Variants in NLGN1 observed in about 807,000 individuals in gnomAD.
The protein encoded by NLGN1 is neuroligin 1.
NLGN1 carries 12 observed loss-of-function variants against 65.5 expected under a neutral mutation model. The ratio of observed to expected loss-of-function variants is 0.18; its 90% confidence interval spans 0.12 to 0.30. The LOEUF (loss-of-function observed/expected upper bound fraction) is 0.30, where lower values mean the gene tolerates loss of function less well. Among genes scored for constraint, NLGN1 ranks in the 10% least tolerant of loss-of-function variants. The pLI is 1.00. For missense variants in NLGN1, 750 were observed against 1,007.1 expected (o/e 0.74, Z 3.46); for synonymous variants, 350 against 359.5 (o/e 0.97, Z 0.30).
At chr3:173,597,422 C>A (rs959486607) in intron 2 of NLGN1, among the ~76,000 whole-genome samples, 1 of 152,166 alleles carries the variant, frequency 6.6e-6, no homozygotes, top group Non-Finnish European at 1.5e-5. Context: ...GGGTGACCTA[C>A]AATAGTAGCT....
chr3:173,880,700 C>G (rs1176300565), intron 4 of NLGN1, among the ~76,000 whole-genome samples: 2 of 152,144 alleles, frequency 1.3e-5, no homozygotes, highest in African/African-American at 4.8e-5. Flanking sequence ...GTGTTTATGG[C>G]TGCTGACTGA....
intron 4 of NLGN1, among the ~76,000 whole-genome samples, chr3:173,960,205 C>A (rs1713202071): frequency 1.3e-5 from 2 of 152,008 alleles, no homozygotes; most frequent in Admixed American, 1.3e-4. Context: ...TTACTTCCTA[C>A]AATACGGGCT....
At chr3:174,064,558 T>C (rs1010075895) in intron 4 of NLGN1, among the ~76,000 whole-genome samples, 41 of 150,490 alleles carry the variant, frequency 2.7e-4, no homozygotes, top group African/African-American at 1.0e-3. Context: ...GCTTATTAAT[T>C]ACATTAATAT....
rs929298267 is a variant in NLGN1, at chr3:173,659,790, G to A, written c.493+54699G>A. Among the ~76,000 whole-genome samples the A allele has an allele frequency of 2.0e-5, 3 of 151,656 alleles. No homozygotes were observed. In the East Asian group the frequency reaches 5.8e-4, roughly 29 times the overall value. On this transcript the variant is annotated intron_variant, in intron 3 of 6. Transcript: ENST00000457714. ...GTGTGTGTGTATGTGTGTTTAGAAGGGGGTGGTGGTTTCTTCACTGCTTTC... is the reference window on the plus strand; with the variant it reads ...GTGTGTGTGTATGTGTGTTTAGAAGAGGGTGGTGGTTTCTTCACTGCTTTC...
intron 4 of NLGN1, among the ~76,000 whole-genome samples, chr3:174,169,410 G>C (rs1007649267): frequency 2.6e-5 from 4 of 151,970 alleles, no homozygotes; most frequent in Non-Finnish European, 4.4e-5. Flanking sequence ...ATCTGCTTGG[G>C]CTTAGAACAG....
chr3:173,701,537 G>A (rs1767166326), intron 3 of NLGN1, among the ~76,000 whole-genome samples: 1 of 152,156 alleles, frequency 6.6e-6, no homozygotes, highest in African/African-American at 2.4e-5. Flanking sequence ...CAATGAAGCT[G>A]ATTTTGGACT....
chr3:174,105,211 G>C (rs1181365709), intron 4 of NLGN1, among the ~76,000 whole-genome samples: 1 of 152,032 alleles, frequency 6.6e-6, no homozygotes, highest in Non-Finnish European at 1.5e-5. Context: ...TTGCAAGAAG[G>C]GGAGGAATTG....
intron 4 of NLGN1, among the ~76,000 whole-genome samples, chr3:174,261,297 T>C (rs1345212128): frequency 6.7e-6 from 1 of 149,046 alleles, no homozygotes; most frequent in Admixed American, 6.7e-5. Context: ...TTTCACGATA[T>C]TGATTCTTCC....
intron 1 of NLGN1, among the ~76,000 whole-genome samples, chr3:173,420,346 C>A (rs575068445): frequency 6.6e-6 from 1 of 151,828 alleles, no homozygotes; most frequent in East Asian, 1.9e-4. Context: ...TTTGTCCTTG[C>A]GATAGTTTGC....
chr3:173,921,921 A>C (rs1453131000), intron 4 of NLGN1, among the ~76,000 whole-genome samples: 1 of 152,110 alleles, frequency 6.6e-6, no homozygotes, highest in African/African-American at 2.4e-5. Context: ...TCTAAGCAGA[A>C]GGTTTTTCTT....
At chr3:173,847,203 C>A (rs1158474422) in intron 4 of NLGN1, among the ~76,000 whole-genome samples, 5 of 151,894 alleles carry the variant, frequency 3.3e-5, no homozygotes, top group African/African-American at 1.2e-4. Flanking sequence ...ATATTCTTGC[C>A]TTAAAAAAAT....
At chr3:173,720,312 A>C (rs1770620689) in intron 3 of NLGN1, among the ~76,000 whole-genome samples, 1 of 152,074 alleles carries the variant, frequency 6.6e-6, no homozygotes, top group South Asian at 2.1e-4. Context: ...GTGATAACTT[A>C]GTTGTTTGAA....
intron 3 of NLGN1, among the ~76,000 whole-genome samples, chr3:173,774,826 G>A (rs1780065093): frequency 6.6e-6 from 1 of 151,808 alleles, no homozygotes; most frequent in African/African-American, 2.4e-5. Context: ...GCCTCCCCCA[G>A]CCCCCTCGCA....
chr3:174,209,829 C>A (rs11707023), intron 4 of NLGN1, among the ~76,000 whole-genome samples: 10 of 151,282 alleles, frequency 6.6e-5, no homozygotes, highest in Admixed American at 2.6e-4. Flanking sequence ...GACGGGGTTG[C>A]GCCATGTTGG....
At chr3:174,266,047 T>A (rs891442647) in intron 4 of NLGN1, among the ~76,000 whole-genome samples, 1 of 63,462 alleles carries the variant, frequency 1.6e-5, no homozygotes, top group African/African-American at 1.0e-4. Context: ...TATATATATA[T>A]TTTTTTTTTC....
rs574053927 is a variant in NLGN1, at chr3:173,900,855, C to G, written c.646+93023C>G. Among the ~76,000 whole-genome samples, 23 of 152,056 alleles carry G rather than the reference C, an allele frequency of 1.5e-4. No homozygotes were observed. In the South Asian group the frequency reaches 3.7e-3, roughly 25 times the overall value. ...TCAACATTTTACCCTGATAGAACCT[C>G]TGGTAGGGGAGCATGTGTTATACTG... On this transcript the variant is annotated intron_variant, in intron 4 of 6. Transcript: ENST00000457714.
chr3:173,935,978 C>T (rs1745010637), intron 4 of NLGN1, among the ~76,000 whole-genome samples: 1 of 151,938 alleles, frequency 6.6e-6, no homozygotes, highest in South Asian at 2.1e-4. Flanking sequence ...GTTAAAAGTT[C>T]TTAAGCACAT....
chr3:173,945,498 TGG>T (rs1445288223), intron 4 of NLGN1, among the ~76,000 whole-genome samples: 1 of 152,070 alleles, frequency 6.6e-6, no homozygotes. Context: ...GTGTGATGCT[TGG>T]TGACAGTCTG....
chr3:173,658,744 G>GGCAT (rs2149681182), intron 3 of NLGN1, among the ~76,000 whole-genome samples: 1 of 152,076 alleles, frequency 6.6e-6, no homozygotes, highest in Non-Finnish European at 1.5e-5. Context: ...AGGGTATGTA[G>GGCAT]GCATGGTGTT....
Sources: allele counts gnomAD v4.1 joint callset (sites outside exome capture counted in the v4.1 genomes callset), GRCh38; gene constraint gnomAD v4.1.1; transcripts MANE v1.5; gene names NCBI Gene and HGNC (gene_info 2026-07-23, HGNC 2026-07-21).